Variants in SLC12A6 observed in about 807,000 individuals in gnomAD.
SLC12A6 encodes the protein solute carrier family 12 member 6, also known as K-Cl cotransporter 3.
In SLC12A6, 66 loss-of-function variants were observed where a neutral mutation model predicts 135.3. That is an observed-to-expected ratio of 0.49 (90% confidence interval 0.40 to 0.60). SLC12A6 has a LOEUF of 0.60. Ranked by LOEUF, SLC12A6 falls within the 20% of genes least tolerant of loss-of-function variation. The probability of loss-of-function intolerance (pLI) is 0.00; values close to 1 mark genes in which losing one functional copy is unlikely to be tolerated. For synonymous variants in SLC12A6, 513 were observed against 508.8 expected, an observed-to-expected ratio of 1.01 and a Z score of -0.11; for missense variants, 1,058 against 1,452.3, an observed-to-expected ratio of 0.73 and a Z score of 4.41.
At chr15:34,268,862 TC>T (rs1466867472) in intron 3 of SLC12A6, among the ~76,000 whole-genome samples, 2 of 145,230 alleles carry the variant, frequency 1.4e-5, no homozygotes, top group Non-Finnish European at 3.1e-5. Flanking sequence ...TTTCTTTCTT[TC>T]TTTTTTTTTT....
At chr15:34,306,141 C>T (rs192361475) in intron 2 of SLC12A6, among the ~76,000 whole-genome samples, 20 of 152,310 alleles carry the variant, frequency 1.3e-4, no homozygotes, top group African/African-American at 4.1e-4. Context: ...CTGGCTTCCC[C>T]AGATGGGTTG....
chr15:34,257,184 G>T (rs1321531019), intron 6 of SLC12A6, among the ~76,000 whole-genome samples: 1 of 152,100 alleles, frequency 6.6e-6, no homozygotes, highest in Non-Finnish European at 1.5e-5. Flanking sequence ...GACCTGGAAA[G>T]AACATCTAAA....
intron 13 of SLC12A6, among the ~76,000 whole-genome samples, chr15:34,247,588 CATGCTGTAG>C (rs1892083731): frequency 6.6e-6 from 1 of 152,070 alleles, no homozygotes; most frequent in African/African-American, 2.4e-5. Flanking sequence ...ATCCAACACC[CATGCTGTAG>C]GTGTTGACCT....
intron 3 of SLC12A6, among the ~76,000 whole-genome samples, chr15:34,263,721 T>C (rs148443389): frequency 0.013 from 1,973 of 151,986 alleles, 24 homozygotes; most frequent in Non-Finnish European, 0.02. Flanking sequence ...TAAATACCAA[T>C]ATAAAAATTA....
intron 2 of SLC12A6, among the ~76,000 whole-genome samples, chr15:34,284,632 C>T (rs149968223): frequency 6.6e-6 from 1 of 152,092 alleles, no homozygotes; most frequent in East Asian, 1.9e-4. Context: ...TTTCTGAGAA[C>T]CTTCTACATG....
Position 34,233,644 on chromosome 15 carries a change from T to C in SLC12A6, c.*237A>G, listed in dbSNP as rs934513827. 1.0e-5 allele frequency: 5 copies of C among 497,654 alleles called. No homozygotes were observed. Among genetic ancestry groups the C allele is most frequent in the Non-Finnish European group, 1.8e-5 (5 of 272,924 alleles). The allele number at this position is 497,654 out of a possible 1,614,324, so 30.8% of individuals were successfully genotyped here. On this transcript the variant is annotated 3_prime_UTR_variant, in exon 26 of 26. Transcript: ENST00000354181. Reference sequence around the variant, plus strand: ...TGCCTTTGACTGCTCAGACGTGGCTTGAAAGACTTGAGCATTGTTCTGATG... The same window carrying C: ...TGCCTTTGACTGCTCAGACGTGGCTCGAAAGACTTGAGCATTGTTCTGATG...
chr15:34,303,642 A>T (rs981922746), intron 2 of SLC12A6, among the ~76,000 whole-genome samples: 4 of 152,302 alleles, frequency 2.6e-5, no homozygotes, highest in African/African-American at 9.6e-5. Flanking sequence ...GTGGGGGACT[A>T]ATTAGAGGTA....
chr15:34,289,298 C>CG (rs1202881573), intron 2 of SLC12A6, among the ~76,000 whole-genome samples: 2 of 152,060 alleles, frequency 1.3e-5, no homozygotes, highest in African/African-American at 4.8e-5. Flanking sequence ...TATTGATTTG[C>CG]TATGTTGAAC....
At chr15:34,235,987 T>C in intron 24 of SLC12A6, 28 bp downstream of exon 24, 1 of 1,575,632 alleles carries the variant, frequency 6.3e-7, no homozygotes, top group Non-Finnish European at 8.7e-7. Context: ...GGTAATTTTA[T>C]GATAAACTTG....
chr15:34,333,803 G>A (rs11633814), intron 2 of SLC12A6, among the ~76,000 whole-genome samples: 1 of 151,954 alleles, frequency 6.6e-6, no homozygotes, highest in Non-Finnish European at 1.5e-5. Context: ...GGGCGCTGTG[G>A]CTCACGCCTG....
intron 2 of SLC12A6, among the ~76,000 whole-genome samples, chr15:34,298,942 T>C (rs1385148319): frequency 1.3e-5 from 2 of 152,226 alleles, no homozygotes; most frequent in East Asian, 3.8e-4. Flanking sequence ...AAATTCTGCC[T>C]TTATCAGTTT....
At chr15:34,268,588 G>A (rs879744052) in intron 3 of SLC12A6, among the ~76,000 whole-genome samples, 1 of 152,130 alleles carries the variant, frequency 6.6e-6, no homozygotes, top group Non-Finnish European at 1.5e-5. Flanking sequence ...TATCTTGGTG[G>A]GAAACCATGC....
At chr15:34,301,020 G>C (rs368822315) in intron 2 of SLC12A6, among the ~76,000 whole-genome samples, 1 of 152,080 alleles carries the variant, frequency 6.6e-6, no homozygotes, top group African/African-American at 2.4e-5. Flanking sequence ...CCAGGCTGGA[G>C]TGCAATGGCG....
intron 9 of SLC12A6, among the ~76,000 whole-genome samples, 162 bp from the exon 10 acceptor site, chr15:34,252,546 C>A (rs934321640): frequency 1.3e-5 from 2 of 152,130 alleles, no homozygotes; most frequent in African/African-American, 2.4e-5. Context: ...TTTATTTTAA[C>A]ACTGTGAATG....
Position 34,250,810 on chromosome 15 carries a change from A to T in SLC12A6, c.1493-81T>A, listed in dbSNP as rs1476568634. Reference sequence around the variant, plus strand: ...TACTGATAGCAAAGAGTAGAAGCAAATCTAGGAACCCTGAGAATTCTGCCT... The same window carrying T: ...TACTGATAGCAAAGAGTAGAAGCAATTCTAGGAACCCTGAGAATTCTGCCT... On this transcript the variant is annotated intron_variant, in intron 11 of 25. Transcript: ENST00000354181. 5 of 1,406,816 alleles carry T rather than the reference A, an allele frequency of 3.6e-6. No homozygotes were observed. The East Asian group carries it at 1.1e-4, about 32-fold the overall frequency. 87.1% of individuals were successfully genotyped at this position (1,406,816 alleles called of 1,614,324 possible).
intron 2 of SLC12A6, among the ~76,000 whole-genome samples, chr15:34,312,213 G>T (rs1206297611): frequency 6.6e-6 from 1 of 152,208 alleles, no homozygotes. Context: ...TAGTAGGACT[G>T]GGATTTAAAG....
chr15:34,245,433 G>C (rs759650947), intron 14 of SLC12A6, 30 bp from the exon 15 acceptor site: 2 of 1,222,820 alleles, frequency 1.6e-6, no homozygotes, highest in South Asian at 2.4e-5. Flanking sequence ...ATCAGGCACA[G>C]GAGTACTGAG....
intron 2 of SLC12A6, among the ~76,000 whole-genome samples, chr15:34,292,440 AG>A (rs1459196650): frequency 1.3e-5 from 2 of 152,136 alleles, no homozygotes; most frequent in Non-Finnish European, 2.9e-5. Flanking sequence ...CAGGCTACAC[AG>A]GGGTCAGGGA....
At position 34,336,405 on chromosome 15, in the gene SLC12A6, C is replaced by T. The variant is rs1380075983; in HGVS notation, c.271+5G>A. ...AAGTATGCTGCGGTCTGTGTTTCTA[C>T]TTACCCTCGATGACATCCTGGGGGT... On this transcript the variant is annotated splice_donor_5th_base_variant and intron_variant, in intron 2 of 25. Coordinates refer to ENST00000354181, the MANE Select transcript of SLC12A6 (RefSeq NM_001365088.1). 6.2e-7 allele frequency: 1 copy of T among 1,612,384 alleles called. No homozygotes were observed. The highest frequency in any genetic ancestry group is 1.7e-5 in the Admixed American group (1 of 60,016).
Sources: gnomAD v4.1 joint callset for allele counts (sites outside exome capture counted in the v4.1 genomes callset) on GRCh38, gnomAD v4.1.1 for gene constraint, MANE v1.5 for transcripts, NCBI Gene and HGNC (gene_info 2026-07-23, HGNC 2026-07-21) for gene names.